Variants in SFRP1 observed in about 807,000 individuals in gnomAD.
SFRP1 encodes secreted frizzled-related protein 1.
Under a neutral mutation model 25.9 loss-of-function variants are expected in SFRP1, and 9 were observed. The observed-to-expected ratio is 0.35, with a 90% CI of 0.21 to 0.61. The LOEUF (loss-of-function observed/expected upper bound fraction) is 0.61. SFRP1 is among the 20% of genes least tolerant of loss of function. The probability of loss-of-function intolerance (pLI) is 0.78; values close to 1 mark genes in which losing one functional copy is unlikely to be tolerated. For synonymous variants in SFRP1, 178 were observed against 174.0 expected, an observed-to-expected ratio of 1.02 and a Z score of -0.18; for missense variants, 346 against 418.2, an observed-to-expected ratio of 0.83 and a Z score of 1.51.
chr8:41,281,531 G>A (rs946602706), intron 2 of SFRP1, among the ~76,000 whole-genome samples: 1 of 152,204 alleles, frequency 6.6e-6, no homozygotes, highest in East Asian at 1.9e-4. Context: ...TTGAGGATGC[G>A]GAGGCAGCTA....
At chr8:41,278,939 G>A (rs1034579214) in intron 2 of SFRP1, among the ~76,000 whole-genome samples, 1 of 152,098 alleles carries the variant, frequency 6.6e-6, no homozygotes, top group Non-Finnish European at 1.5e-5. Context: ...TCTGAAGGAA[G>A]GGGGTGCAGG....
At chr8:41,291,217 GACT>G (rs985256039) in intron 2 of SFRP1, among the ~76,000 whole-genome samples, 1 of 151,600 alleles carries the variant, frequency 6.6e-6, no homozygotes, top group Non-Finnish European at 1.5e-5. Context: ...CTTTTTTGAG[GACT>G]TTTTTAAAGA....
chr8:41,303,413 A>G, intron 2 of SFRP1, 48 bp downstream of exon 2: 1 of 1,397,012 alleles, frequency 7.2e-7, no homozygotes, highest in South Asian at 1.2e-5. Context: ...AGAGGCACAG[A>G]CCAGGAGGTT....
chr8:41,288,638 G>A (rs1219787055), intron 2 of SFRP1, among the ~76,000 whole-genome samples: 1 of 151,454 alleles, frequency 6.6e-6, no homozygotes, highest in Non-Finnish European at 1.5e-5. Context: ...CTCTGTGGGG[G>A]ATGCATGATG....
At chr8:41,296,353 C>T (rs115966534) in intron 2 of SFRP1, among the ~76,000 whole-genome samples, 367 of 152,248 alleles carry the variant, frequency 2.4e-3, no homozygotes, top group African/African-American at 7.2e-3. Context: ...ATAAATCATC[C>T]GTGTGACAGT....
In SFRP1 at chr8:41,264,358, C is replaced by G. The variant is rs1015755398; in HGVS notation, c.*809G>C. ...TAACTATGTGTTTTGAAAACTACTG[C>G]CTTCTCAGCCCGAAAATCGCCGTCT... On this transcript the variant is annotated 3_prime_UTR_variant, in exon 3 of 3. Transcript: ENST00000220772. 2.0e-5 allele frequency: 3 copies of G among 152,166 alleles called. No homozygotes were observed. The highest frequency in any genetic ancestry group is 7.2e-5 in the African/African-American group (3 of 41,434). 9.4% of individuals were successfully genotyped at this position (152,166 alleles called of 1,614,324 possible). A position where few individuals can be genotyped will look rare whatever the true frequency, so the allele number is the denominator to read the frequency against.
rs563811748 is a variant in SFRP1, at chr8:41,309,070, C to G, written c.90G>C (p.Ser30=). The G allele has an allele frequency of 1.2e-5, 19 of 1,599,634 alleles. No homozygotes were observed. In the East Asian group the frequency reaches 3.6e-4, roughly 30 times the overall value. ...ALGAALLAVG[S]ASEYDYVSFQ... ...AGCTCACGTAGTCGTACTCGCTGGC[C>G]GAGCCCACGGCCAGAAGCGCCGCGC... Residue 30 remains serine, a synonymous_variant, in exon 1 of 3, where the codon TCG becomes TCC. Transcript: ENST00000220772.
At chr8:41,275,165 AGTCACTT>A (rs1803556039) in intron 2 of SFRP1, 1 of 450,508 alleles carries the variant, frequency 2.2e-6, no homozygotes, top group Non-Finnish European at 4.4e-6. Flanking sequence ...TCAAAAGTGA[AGTCACTT>A]GTCAGCTCTG....
At chr8:41,280,112 G>A (rs959014516) in intron 2 of SFRP1, among the ~76,000 whole-genome samples, 1 of 152,132 alleles carries the variant, frequency 6.6e-6, no homozygotes, top group Admixed American at 6.5e-5. Flanking sequence ...GGCATAAGAT[G>A]GGCAGCGCTG....
chr8:41,295,337 C>T (rs1030163018), intron 2 of SFRP1, among the ~76,000 whole-genome samples: 39 of 150,876 alleles, frequency 2.6e-4, no homozygotes, highest in African/African-American at 5.1e-4. Context: ...TTCCAGTCTG[C>T]GCAACAGAGG....
rs968325011 is a variant in SFRP1, at chr8:41,263,805, C to T, written c.*1362G>A. On this transcript the variant is annotated 3_prime_UTR_variant, in exon 3 of 3. Transcript: ENST00000220772. ...AGATGTTTTGCTTTTGAAACTCTCT[C>T]GCTGGATGGGGACACCCCACCCATG... 1 of 152,132 alleles carries T rather than the reference C, an allele frequency of 6.6e-6. No individual in the cohort carries two copies. Among genetic ancestry groups the T allele is most frequent in the South Asian group, 2.1e-4 (1 of 4,824 alleles). The allele number at this position is 152,132 out of a possible 1,614,324, so 9.4% of individuals were successfully genotyped here. A position where few individuals can be genotyped will look rare whatever the true frequency, so the allele number is the denominator to read the frequency against.
At chr8:41,274,624 T>C (rs1263377117) in intron 2 of SFRP1, among the ~76,000 whole-genome samples, 2 of 152,200 alleles carry the variant, frequency 1.3e-5, no homozygotes, top group Non-Finnish European at 2.9e-5. Flanking sequence ...TATAACCATG[T>C]TATTTATTTG....
intron 2 of SFRP1, among the ~76,000 whole-genome samples, chr8:41,288,490 T>TAGTGCCACCGC (rs1270477270): frequency 2.3e-5 from 3 of 128,998 alleles, no homozygotes; most frequent in Non-Finnish European, 4.6e-5. Flanking sequence ...TGAGCCATGA[T>TAGTGCCACCGC]AGTGCCACCG....
chr8:41,283,961 C>A (rs1405393884), intron 2 of SFRP1, among the ~76,000 whole-genome samples: 1 of 152,174 alleles, frequency 6.6e-6, no homozygotes, highest in Non-Finnish European at 1.5e-5. Context: ...TCCATCCAAC[C>A]TACTGCTGTA....
chr8:41,265,446 G>A lies in SFRP1; in HGVS notation c.666C>T (p.Asp222=), dbSNP rs1563357154. ...TCTTCTTCTTGGGGACAATCTTCTT[G>A]TCGCCATTTTCTTTTTTCACTTCTT... is the stretch of plus-strand genomic sequence containing the variant. ...KIKEVKKENG[D]KKIVPKKKKP... is the part of the protein sequence containing the mutation. Residue 222 remains aspartate, a synonymous_variant, in exon 3 of 3, where the codon GAC becomes GAT. Coordinates refer to ENST00000220772, the MANE Select transcript of SFRP1 (RefSeq NM_003012.5). The A allele has an allele frequency of 1.2e-6, 2 of 1,608,310 alleles. No individual in the cohort carries two copies. Among genetic ancestry groups the A allele is most frequent in the Non-Finnish European group, 8.5e-7 (1 of 1,178,804 alleles).
intron 1 of SFRP1, among the ~76,000 whole-genome samples, chr8:41,305,176 G>A (rs1304224923): frequency 1.3e-5 from 2 of 152,178 alleles, no homozygotes; most frequent in Non-Finnish European, 2.9e-5. Flanking sequence ...TTTTGAAAAA[G>A]GAAAAGTGGG....
chr8:41,303,361 G>T, intron 2 of SFRP1, 100 bp downstream of exon 2: 1 of 852,052 alleles, frequency 1.2e-6, no homozygotes, highest in Non-Finnish European at 2.0e-6. Flanking sequence ...TAGAGAATAT[G>T]GAAAGCTGCA....
chr8:41,305,511 CAGAG>C (rs1197194406), intron 1 of SFRP1, among the ~76,000 whole-genome samples: 2 of 152,202 alleles, frequency 1.3e-5, no homozygotes, highest in East Asian at 3.9e-4. Flanking sequence ...CAGCCTGATC[CAGAG>C]AGAGAAAGAG....
intron 2 of SFRP1, among the ~76,000 whole-genome samples, chr8:41,275,509 GT>G (rs34725036): frequency 2.9e-4 from 42 of 143,100 alleles, no homozygotes; most frequent in Non-Finnish European, 2.6e-4. Context: ...AACTCTTTTT[GT>G]TTTTTTTTTT....
Sources: gnomAD v4.1 joint callset for allele counts (sites outside exome capture counted in the v4.1 genomes callset) on GRCh38, gnomAD v4.1.1 for gene constraint, MANE v1.5 for transcripts, NCBI Gene and HGNC (gene_info 2026-07-23, HGNC 2026-07-21) for gene names.